The following BLTP1 variants were observed in gnomAD, a reference collection of about 807,000 sequenced individuals.
BLTP1 encodes bridge-like lipid transfer protein family member 1, also known as fragile site-associated protein.
chr4:122,243,860 G>A, the BLTP1 span: 450 of 1,585,188 alleles, frequency 2.8e-4, 2 homozygotes, highest in East Asian at 7.6e-3. Context: ...ATAGTACGCC[G>A]TATACTCCAT....
chr4:122,337,026 ATACT>A, the BLTP1 span: 8 of 1,591,696 alleles, frequency 5.0e-6, no homozygotes, highest in South Asian at 9.2e-5. Context: ...TTCAGGTGAC[ATACT>A]TCATTTCTTT....
At chr4:122,333,967 C>T in the BLTP1 span, among the ~76,000 whole-genome samples, 4 of 152,044 alleles carry the variant, frequency 2.6e-5, no homozygotes, top group Non-Finnish European at 5.9e-5. Flanking sequence ...ATCAAAACTG[C>T]AGGTTCCCAC....
chr4:122,289,976 T>C, the BLTP1 span: 7 of 182,782 alleles, frequency 3.8e-5, no homozygotes, highest in Non-Finnish European at 6.2e-5. Context: ...TCCCAAAACT[T>C]AAGAATGAAG....
the BLTP1 span, among the ~76,000 whole-genome samples, chr4:122,193,062 G>A: frequency 1.3e-5 from 2 of 152,082 alleles, no homozygotes; most frequent in African/African-American, 2.4e-5. Flanking sequence ...TCTTCATGTG[G>A]TCTTTCCCTT....
chr4:122,323,926 A>C, the BLTP1 span, among the ~76,000 whole-genome samples: 1 of 152,018 alleles, frequency 6.6e-6, no homozygotes, highest in East Asian at 1.9e-4. Context: ...TCTTTTAACT[A>C]TCTAGCACCA....
chr4:122,153,028 AT>A, the BLTP1 span: 1 of 985,268 alleles, frequency 1.0e-6, no homozygotes, highest in Non-Finnish European at 1.2e-6. Context: ...TCTGGGATTG[AT>A]GTGTTTTGTA....
the BLTP1 span, among the ~76,000 whole-genome samples, chr4:122,322,782 T>C: frequency 1.2e-4 from 18 of 152,170 alleles, no homozygotes; most frequent in African/African-American, 4.1e-4. Context: ...TGCATTGGTA[T>C]TGTATTTCCC....
At chr4:122,170,221 G>A in the BLTP1 span, 13 of 392,534 alleles carry the variant, frequency 3.3e-5, no homozygotes, top group East Asian at 3.4e-4. Flanking sequence ...CAGGAGAATC[G>A]CTTGAAACTG....
At chr4:122,308,281 T>A in the BLTP1 span, 4 of 1,082,042 alleles carry the variant, frequency 3.7e-6, no homozygotes, top group Non-Finnish European at 4.0e-6. Flanking sequence ...GTTTAGTAGG[T>A]AGCAAGTAAG....
the BLTP1 span, chr4:122,237,543 T>C: frequency 1.2e-5 from 5 of 419,680 alleles, no homozygotes; most frequent in East Asian, 1.6e-4. Flanking sequence ...ATAGAAGATA[T>C]ATGGGGTTCT....
chr4:122,306,877 G>T, the BLTP1 span: 27 of 170,802 alleles, frequency 1.6e-4, no homozygotes, highest in African/African-American at 5.7e-4. Flanking sequence ...ATGGACATAG[G>T]CTAGTAACAG....
At chr4:122,356,526 T>C in the BLTP1 span, 1 of 1,269,726 alleles carries the variant, frequency 7.9e-7, no homozygotes, top group Non-Finnish European at 1.1e-6. Context: ...TCTTTACAGT[T>C]GCATTTCATG....
the BLTP1 span, chr4:122,256,238 G>T: frequency 2.2e-6 from 2 of 916,154 alleles, no homozygotes; most frequent in Non-Finnish European, 2.6e-6. Flanking sequence ...GTAAGTGTTG[G>T]ATTTGAAAAA....
the BLTP1 span, chr4:122,193,777 A>T: frequency 3.0e-6 from 1 of 336,510 alleles, no homozygotes; most frequent in Non-Finnish European, 4.2e-6. Context: ...GAGTGCTGAT[A>T]CTAACTTGAT....
the BLTP1 span, chr4:122,309,433 A>G: frequency 3.1e-6 from 5 of 1,613,306 alleles, no homozygotes; most frequent in Non-Finnish European, 4.2e-6. Flanking sequence ...ACTGGAAACC[A>G]GAAATTCATG....
the BLTP1 span, chr4:122,161,085 A>G: frequency 7.1e-5 from 68 of 954,516 alleles, no homozygotes; most frequent in Admixed American, 2.2e-3. Context: ...TTGGTGATGA[A>G]GAGAGTGTAT....
chr4:122,155,833 C>A, the BLTP1 span: 2 of 166,224 alleles, frequency 1.2e-5, no homozygotes, highest in Non-Finnish European at 2.5e-5. Context: ...TTATAGTTAT[C>A]CAGGTGGGAA....
At chr4:122,182,873 G>A in the BLTP1 span, 7 of 984,964 alleles carry the variant, frequency 7.1e-6, no homozygotes, top group Non-Finnish European at 8.4e-6. Context: ...TTAATAAAGT[G>A]AATGCCAAAT....
At chr4:122,207,353 A>G in the BLTP1 span, 1 of 1,403,648 alleles carries the variant, frequency 7.1e-7, no homozygotes, top group Non-Finnish European at 9.6e-7. Flanking sequence ...GATAGTTTTA[A>G]CAGATACTAG....
Sources: gnomAD v4.1 joint callset for allele counts (sites outside exome capture counted in the v4.1 genomes callset) on GRCh38, gnomAD v4.1.1 for gene constraint, MANE v1.5 for transcripts, NCBI Gene and HGNC (gene_info 2026-07-23, HGNC 2026-07-21) for gene names.